Variants in NLN observed in about 807,000 individuals in gnomAD.
The protein encoded by NLN is neurolysin, mitochondrial.
Under a neutral mutation model 79.9 loss-of-function variants are expected in NLN, and 64 were observed. That is an observed-to-expected ratio of 0.80 (90% CI 0.65 to 0.99). The LOEUF (loss-of-function observed/expected upper bound fraction) is 0.99. NLN is among the 50% of genes least tolerant of loss of function. The pLI is 0.00. For synonymous variants in NLN, 267 were observed against 296.6 expected, an observed-to-expected ratio of 0.90 and a Z score of 1.02; for missense variants, 835 against 858.7, an observed-to-expected ratio of 0.97 and a Z score of 0.34.
chr5:65,750,882 A>G (rs1468691379), intron 1 of NLN, among the ~76,000 whole-genome samples: 5 of 152,200 alleles, frequency 3.3e-5, no homozygotes, highest in Non-Finnish European at 7.4e-5. Flanking sequence ...AAGGAGTCCT[A>G]TATGGTCTGA....
chr5:65,749,612 A>T (rs577401216), intron 1 of NLN, among the ~76,000 whole-genome samples: 1 of 152,298 alleles, frequency 6.6e-6, no homozygotes, highest in Non-Finnish European at 1.5e-5. Context: ...GAACTTTTGG[A>T]ACAGTGGCAG....
chr5:65,767,887 C>G (rs1158575754), intron 3 of NLN, among the ~76,000 whole-genome samples: 2 of 152,186 alleles, frequency 1.3e-5, no homozygotes, highest in Non-Finnish European at 2.9e-5. Context: ...AGGGCAGGTG[C>G]AAAGTGCCCA....
intron 5 of NLN, among the ~76,000 whole-genome samples, chr5:65,780,768 G>A (rs1342766918): frequency 2.0e-5 from 3 of 152,148 alleles, no homozygotes; most frequent in Non-Finnish European, 2.9e-5. Context: ...CCACCTCCCT[G>A]GTTCAAGCAA....
rs1322312370 is a variant in NLN at position 65,829,158 on chromosome 5, A to G, written c.*6243A>G. The G allele has an allele frequency of 6.6e-6, 1 of 152,204 alleles. No homozygotes were observed. Among genetic ancestry groups the G allele is most frequent in the Non-Finnish European group, 1.5e-5 (1 of 68,060 alleles). 9.4% of individuals were successfully genotyped at this position (152,204 alleles called of 1,614,324 possible). A position where few individuals can be genotyped will look rare whatever the true frequency, so the allele number is the denominator to read the frequency against. On this transcript the variant is annotated 3_prime_UTR_variant, in exon 13 of 13. Coordinates refer to ENST00000380985, the MANE Select transcript of NLN (RefSeq NM_020726.5). ...TCTGATTCAGATAGCCAGGTGTGCC[A>G]TGCATGCACTCCACCATATTGTGAT...
chr5:65,731,356 A>G (rs1042227036), intron 1 of NLN, among the ~76,000 whole-genome samples: 4 of 152,236 alleles, frequency 2.6e-5, no homozygotes. Context: ...GCAAACTCAC[A>G]TTGTTAAGAG....
chr5:65,788,104 C>T lies in NLN; in HGVS notation c.959-14C>T, dbSNP rs756851710. 6.9e-6 allele frequency: 11 copies of T among 1,603,244 alleles called. No homozygotes were observed. In the Admixed American group the frequency reaches 1.2e-4, roughly 18 times the overall value. ...AAAAGCAAGTAGATCACTAACTTTT[C>T]CTTTTCCTTACAGATGATTTAAGCC... On this transcript the variant is annotated splice_polypyrimidine_tract_variant and intron_variant, in intron 7 of 12. Transcript: ENST00000380985.
intron 8 of NLN, among the ~76,000 whole-genome samples, chr5:65,789,225 A>G (rs1046826791): frequency 5.3e-5 from 8 of 152,224 alleles, no homozygotes; most frequent in South Asian, 2.1e-4. Flanking sequence ...CTGAAGCCAG[A>G]ATGTCTGGCA....
At chr5:65,815,667 C>T (rs1469026945) in intron 12 of NLN, among the ~76,000 whole-genome samples, 1 of 152,080 alleles carries the variant, frequency 6.6e-6, no homozygotes, top group Non-Finnish European at 1.5e-5. Flanking sequence ...TCCCTTGGCC[C>T]CTCACCCTCA....
chr5:65,735,456 G>A (rs1181939295), intron 1 of NLN, among the ~76,000 whole-genome samples: 1 of 152,118 alleles, frequency 6.6e-6, no homozygotes, highest in Admixed American at 6.6e-5. Flanking sequence ...ATTTACGCAA[G>A]TCCAAAGCCT....
chr5:65,748,953 T>C (rs1759043538), intron 1 of NLN, among the ~76,000 whole-genome samples: 1 of 152,164 alleles, frequency 6.6e-6, no homozygotes, highest in South Asian at 2.1e-4. Flanking sequence ...GGGAGGTCAT[T>C]GAATCTGGGG....
At chr5:65,785,043 A>T (rs1356889238) in intron 6 of NLN, among the ~76,000 whole-genome samples, 1 of 152,194 alleles carries the variant, frequency 6.6e-6, no homozygotes, top group East Asian at 1.9e-4. Context: ...CATTGTATAT[A>T]TATACCACAT....
At chr5:65,748,683 G>T (rs1451377259) in intron 1 of NLN, among the ~76,000 whole-genome samples, 1 of 152,140 alleles carries the variant, frequency 6.6e-6, no homozygotes, top group Non-Finnish European at 1.5e-5. Flanking sequence ...AGCCCAGGAA[G>T]TTGAGGCTGC....
At chr5:65,803,497 G>A (rs1760338678) in intron 9 of NLN, among the ~76,000 whole-genome samples, 1 of 152,198 alleles carries the variant, frequency 6.6e-6, no homozygotes, top group Admixed American at 6.5e-5. Context: ...ATCAGAGCAG[G>A]TGCCGCTAAT....
Position 65,825,682 on chromosome 5 carries a change from T to C in NLN, c.*2767T>C, listed in dbSNP as rs1468016380. 1 of 152,220 alleles carries C rather than the reference T, an allele frequency of 6.6e-6. No individual in the cohort carries two copies. The highest frequency in any genetic ancestry group is 1.5e-5 in the Non-Finnish European group (1 of 68,036). 9.4% of individuals were successfully genotyped at this position (152,220 alleles called of 1,614,324 possible). On this transcript the variant is annotated 3_prime_UTR_variant, in exon 13 of 13. Coordinates refer to ENST00000380985, the MANE Select transcript of NLN (RefSeq NM_020726.5). ...AAGGTGAGAGGTGGATATCTGTAGCTCTTCGGATGAAAAATTGCATTGTGG... is the reference window on the plus strand; with the variant it reads ...AAGGTGAGAGGTGGATATCTGTAGCCCTTCGGATGAAAAATTGCATTGTGG...
Position 65,722,280 on chromosome 5 carries a change from C to G in NLN, c.-94C>G. ...ACTGTGGCCTCTGCGGCTAGGCCGG[C>G]TCGAGACTCCCGGGCGCCCAGGCGC... On this transcript the variant is annotated 5_prime_UTR_variant, in exon 1 of 13. Transcript: ENST00000380985. 1.0e-6 allele frequency: 1 copy of G among 995,544 alleles called. No homozygotes were observed. The highest frequency in any genetic ancestry group is 1.7e-5 in the South Asian group (1 of 58,706). The allele number at this position is 995,544 out of a possible 1,614,324, so 61.7% of individuals were successfully genotyped here. A position where few individuals can be genotyped will look rare whatever the true frequency, so the allele number is the denominator to read the frequency against.
At chr5:65,822,460 C>CAT (rs1202289578) in intron 12 of NLN, among the ~76,000 whole-genome samples, 1 of 152,174 alleles carries the variant, frequency 6.6e-6, no homozygotes, top group African/African-American at 2.4e-5. Context: ...CGAGAGATAG[C>CAT]ATAGCAAATA....
intron 7 of NLN, 28 bp downstream of exon 7, chr5:65,785,938 T>G: frequency 6.2e-7 from 1 of 1,604,402 alleles, no homozygotes; most frequent in Middle Eastern, 1.7e-4. Flanking sequence ...TTTCTATGAC[T>G]GTTTTGCTAT....
At chr5:65,810,252 C>A (rs2150774074) in intron 11 of NLN, 87 bp downstream of exon 11, 1 of 1,132,478 alleles carries the variant, frequency 8.8e-7, no homozygotes. Flanking sequence ...GTTTGTCAGA[C>A]AGATTACCTA....
intron 1 of NLN, chr5:65,740,849 A>G (rs1231836705): frequency 6.5e-6 from 1 of 154,844 alleles, no homozygotes; most frequent in African/African-American, 2.5e-5. Flanking sequence ...TATATTATAT[A>G]TATATAATAT....
Sources: gnomAD v4.1 joint callset for allele counts (sites outside exome capture counted in the v4.1 genomes callset) on GRCh38, gnomAD v4.1.1 for gene constraint, MANE v1.5 for transcripts, NCBI Gene and HGNC (gene_info 2026-07-23, HGNC 2026-07-21) for gene names.